Variants in KCNK9 observed in about 807,000 individuals in gnomAD.
The protein encoded by KCNK9 is potassium two pore domain channel subfamily K member 9, also known as potassium channel subfamily K member 9.
A neutral mutation model predicts 10.8 loss-of-function variants in KCNK9; 1 was observed. The observed-to-expected ratio is 0.09, with a 90% CI of 0.03 to 0.44. KCNK9 has a LOEUF of 0.44. Among genes scored for constraint, KCNK9 ranks in the 20% least tolerant of loss-of-function variants. KCNK9 has a pLI of 0.97. For missense variants in KCNK9, 303 were observed against 515.0 expected, an observed-to-expected ratio of 0.59 and a Z score of 3.98; for synonymous variants, 231 against 222.7, an observed-to-expected ratio of 1.04 and a Z score of -0.33.
intron 1 of KCNK9, among the ~76,000 whole-genome samples, chr8:139,680,289 G>A (rs1046478736): frequency 6.6e-6 from 1 of 152,162 alleles, no homozygotes; most frequent in African/African-American, 2.4e-5. Context: ...CCAGCTTCAG[G>A]AAGGAAACTT....
chr8:139,613,315 T>A (rs190554506), downstream of KCNK9, among the ~76,000 whole-genome samples: 2 of 152,270 alleles, frequency 1.3e-5, no homozygotes, highest in Middle Eastern at 3.4e-3. Flanking sequence ...ACATAGAAGG[T>A]CAGTGTGGGG....
At chr8:139,694,694 C>CT (rs1175558642) in intron 1 of KCNK9, among the ~76,000 whole-genome samples, 1 of 152,234 alleles carries the variant, frequency 6.6e-6, no homozygotes, top group Non-Finnish European at 1.5e-5. Context: ...CACCCATCAC[C>CT]TGCCACCCCA....
In KCNK9 at chr8:139,703,002, C is replaced by G. The variant is rs781243756; in HGVS notation, c.-10G>C. On this transcript the variant is annotated 5_prime_UTR_variant, in exon 1 of 2. Transcript: ENST00000520439. The surrounding 1 kb of genome is among the most constrained non-coding windows in gnomAD (Gnocchi z 6.4). Reference sequence around the variant, plus strand: ...CGTTCTGCCTCTTCATGGCCGCCAGCAAGGAGCCGGCGCGGGGGGCATGTC... The same window carrying G: ...CGTTCTGCCTCTTCATGGCCGCCAGGAAGGAGCCGGCGCGGGGGGCATGTC... The G allele has an allele frequency of 1.9e-6, 3 of 1,556,502 alleles. No individual in the cohort carries two copies. Among genetic ancestry groups the G allele is most frequent in the African/African-American group, 1.4e-5 (1 of 73,168 alleles).
chr8:139,676,493 C>T (rs1396037307), intron 1 of KCNK9, among the ~76,000 whole-genome samples: 1 of 152,214 alleles, frequency 6.6e-6, no homozygotes, highest in East Asian at 1.9e-4. Flanking sequence ...CAGAATAGGG[C>T]TACCTGGAAA....
intron 1 of KCNK9, among the ~76,000 whole-genome samples, chr8:139,627,112 G>A (rs1815002537): frequency 6.6e-6 from 1 of 152,200 alleles, no homozygotes; most frequent in Non-Finnish European, 1.5e-5. Flanking sequence ...CTATGACCTT[G>A]GGCAAGACAC....
chr8:139,609,102 T>TCCCACCCCAC (rs1554617323), downstream of KCNK9, among the ~76,000 whole-genome samples: 10 of 88,192 alleles, frequency 1.1e-4, no homozygotes, highest in African/African-American at 5.2e-4. Context: ...GAGGGACCCA[T>TCCCACCCCAC]CCCACCCCAC....
chr8:139,686,444 G>T (rs886344565), intron 1 of KCNK9, among the ~76,000 whole-genome samples: 5 of 152,170 alleles, frequency 3.3e-5, no homozygotes, highest in Non-Finnish European at 5.9e-5. Context: ...CCATCAAAAA[G>T]TGGGCAAAGG....
At chr8:139,629,389 C>T (rs114457152) in intron 1 of KCNK9, among the ~76,000 whole-genome samples, 1,865 of 152,302 alleles carry the variant, frequency 0.012, 33 homozygotes, top group African/African-American at 0.043. Context: ...CACATCTAGG[C>T]GTGTCACTGA....
intron 1 of KCNK9, among the ~76,000 whole-genome samples, chr8:139,694,525 C>T (rs901118904): frequency 2.6e-5 from 4 of 152,188 alleles, no homozygotes; most frequent in Non-Finnish European, 5.9e-5. Flanking sequence ...CAGCTGTGTG[C>T]CTTCATAAGA....
intron 1 of KCNK9, among the ~76,000 whole-genome samples, chr8:139,648,390 G>T (rs186208832): frequency 6.6e-6 from 1 of 152,324 alleles, no homozygotes. Context: ...CCACCAAATT[G>T]TACACTTTAA....
chr8:139,651,157 C>T (rs1384613429), intron 1 of KCNK9, among the ~76,000 whole-genome samples: 1 of 152,154 alleles, frequency 6.6e-6, no homozygotes, highest in Non-Finnish European at 1.5e-5. Flanking sequence ...AGCCTAAGGC[C>T]TAGGAAATTC....
chr8:139,637,770 C>T (rs1337726004), intron 1 of KCNK9, among the ~76,000 whole-genome samples: 4 of 151,850 alleles, frequency 2.6e-5, no homozygotes, highest in Non-Finnish European at 5.9e-5. Context: ...TACACACACA[C>T]ACACACACAC....
At chr8:139,608,262 C>T (rs1159161552), downstream of KCNK9, among the ~76,000 whole-genome samples, 1 of 152,168 alleles carries the variant, frequency 6.6e-6, no homozygotes, top group Non-Finnish European at 1.5e-5. Flanking sequence ...CCCTGCCAAC[C>T]TGTGAGTCTC....
chr8:139,657,475 CCA>C (rs1260933439), intron 1 of KCNK9, among the ~76,000 whole-genome samples: 2 of 152,120 alleles, frequency 1.3e-5, no homozygotes, highest in Admixed American at 6.5e-5. Flanking sequence ...GCCAGGGACA[CCA>C]CAGTGAACCC....
At position 139,619,070 on chromosome 8, in the gene KCNK9, C is replaced by T; in HGVS notation, c.313G>A (p.Ala105Thr). ...TAGAACATGCAGAAGGCCTTGCCCG[C>T]ATCGGTGCCAGGTGCAGCGTGCCCA... ...GYGHAAPGTDAGKAFCMFYAV... is the reference protein window; with the variant it reads ...GYGHAAPGTDTGKAFCMFYAV... The change falls in exon 2 of 2, where the codon GCG (alanine) becomes ACG (threonine). Residue 105 changes from alanine to threonine, a missense_variant. Ala to Thr is a moderately conservative substitution (Grantham distance 58). This residue lies in a region of KCNK9 where 22 missense variants were observed against 86.5 expected (regional missense o/e 0.25). Coordinates refer to ENST00000520439, the MANE Select transcript of KCNK9 (RefSeq NM_001282534.2). 1.2e-6 allele frequency: 2 copies of T among 1,614,182 alleles called. No homozygotes were observed. The highest frequency in any genetic ancestry group is 1.7e-6 in the Non-Finnish European group (2 of 1,180,034).
At chr8:139,625,787 G>A (rs538916332) in intron 1 of KCNK9, among the ~76,000 whole-genome samples, 120 of 151,752 alleles carry the variant, frequency 7.9e-4, no homozygotes, top group African/African-American at 2.6e-3. Flanking sequence ...AGAGGACAAG[G>A]AAAATAAAAC....
intron 1 of KCNK9, among the ~76,000 whole-genome samples, chr8:139,695,349 T>C (rs537939200): frequency 6.6e-6 from 1 of 152,286 alleles, no homozygotes; most frequent in South Asian, 2.1e-4. Flanking sequence ...ACATACAGGC[T>C]AAAATTTCTC....
chr8:139,619,563 G>A (rs568984745), intron 1 of KCNK9, among the ~76,000 whole-genome samples: 2 of 152,318 alleles, frequency 1.3e-5, no homozygotes, highest in East Asian at 1.9e-4. Context: ...CATGAAGAGT[G>A]GATTTTCAAA....
chr8:139,614,229 A>G (rs576851645), downstream of KCNK9, among the ~76,000 whole-genome samples: 14 of 152,302 alleles, frequency 9.2e-5, no homozygotes, highest in East Asian at 2.7e-3. Flanking sequence ...CAAGCTTCTC[A>G]TGCTGTCCCA....
Sources: allele counts gnomAD v4.1 joint callset (sites outside exome capture counted in the v4.1 genomes callset), GRCh38; gene constraint gnomAD v4.1.1; regional missense constraint gnomAD v4.1.1; non-coding constraint Gnocchi (gnomAD v3.1); transcripts MANE v1.5; gene names NCBI Gene and HGNC (gene_info 2026-07-23, HGNC 2026-07-21).